POTEE: variants seen among roughly 807,000 people sequenced by gnomAD.
POTEE encodes POTE ankyrin domain family member E.
POTEE carries 21 observed loss-of-function variants against 74.2 expected under a neutral mutation model. That is an observed-to-expected ratio of 0.28 (90% CI 0.20 to 0.41). The LOEUF (loss-of-function observed/expected upper bound fraction) is 0.41. Ranked by LOEUF, POTEE falls within the 10% of genes least tolerant of loss-of-function variation. The probability of loss-of-function intolerance (pLI) is 1.00; values close to 1 mark genes in which losing one functional copy is unlikely to be tolerated. For missense variants in POTEE, 525 were observed against 1,158.6 expected (o/e 0.45, Z 7.94); for synonymous variants, 211 against 432.8 (o/e 0.49, Z 6.36).
chr2:131,224,884 C>T (rs1483101440), intron 6 of POTEE, among the ~76,000 whole-genome samples: 2 of 152,056 alleles, frequency 1.3e-5, no homozygotes, highest in Non-Finnish European at 2.9e-5. Context: ...ATTAGAGTCT[C>T]AGCTCTGCTT....
In POTEE at chr2:131,218,850, G is replaced by A; in HGVS notation, c.448G>A (p.Gly150Ser). Residue 150 changes from glycine (G) to serine (S), a missense_variant, in exon 4 of 18, where the codon GGT becomes AGT. By Grantham distance (56) the Gly-to-Ser change is moderately conservative (BLOSUM62 0). Coordinates refer to ENST00000683005, the MANE Select transcript of POTEE (RefSeq NM_001083538.3). ...LDKLHRAAWW[G>S]KVPRKDLIVM... ...CAAGCTCCACAGAGCTGCCTGGTGG[G>A]GTAAAGTCCCCAGAAAGGATCTCAT... The A allele has an allele frequency of 6.2e-7, 1 of 1,612,986 alleles. No homozygotes were observed. Among genetic ancestry groups the A allele is most frequent in the Non-Finnish European group, 8.5e-7 (1 of 1,179,908 alleles).
intron 16 of POTEE, among the ~76,000 whole-genome samples, chr2:131,258,324 AT>A (rs537600016): frequency 0.026 from 2,016 of 78,140 alleles, no homozygotes; most frequent in African/African-American, 0.073. Flanking sequence ...TCTCACGAAG[AT>A]TTTTTTTTTT....
intron 4 of POTEE, among the ~76,000 whole-genome samples, chr2:131,220,836 C>G (rs1266331143): frequency 2.6e-5 from 4 of 151,634 alleles, no homozygotes; most frequent in Non-Finnish European, 5.9e-5. Flanking sequence ...TGGCACACAC[C>G]TGTAATCCCA....
At chr2:131,231,476 C>T (rs1258475776) in intron 9 of POTEE, among the ~76,000 whole-genome samples, 2 of 151,930 alleles carry the variant, frequency 1.3e-5, no homozygotes, top group Non-Finnish European at 2.9e-5. Context: ...TTGCGTGGTC[C>T]TACCATAGAT....
At chr2:131,210,080 T>C (rs1700325051) in intron 1 of POTEE, among the ~76,000 whole-genome samples, 1 of 142,344 alleles carries the variant, frequency 7.0e-6, no homozygotes, top group South Asian at 2.4e-4. Context: ...TTAGGGGCAC[T>C]ATTTTCTGCT....
intron 9 of POTEE, among the ~76,000 whole-genome samples, chr2:131,235,572 G>T (rs1416107620): frequency 2.6e-5 from 4 of 151,908 alleles, no homozygotes; most frequent in Admixed American, 6.6e-5. Flanking sequence ...GGAGCAGGCA[G>T]ATCACAAGGT....
chr2:131,215,279 TA>T (rs1322773813), intron 2 of POTEE, among the ~76,000 whole-genome samples: 2 of 152,210 alleles, frequency 1.3e-5, no homozygotes, highest in Non-Finnish European at 2.9e-5. Flanking sequence ...AATTATGAGA[TA>T]TTTAGTAAAT....
At chr2:131,221,506 A>G (rs1700615783) in intron 4 of POTEE, among the ~76,000 whole-genome samples, 1 of 152,108 alleles carries the variant, frequency 6.6e-6, no homozygotes, top group Non-Finnish European at 1.5e-5. Flanking sequence ...CTGAAGTTTT[A>G]GTTAAAGTTC....
rs1488580379 is a variant in POTEE at position 131,263,591 on chromosome 2, C to T, written c.2136C>T (p.Asn712=). 1.5e-5 allele frequency: 24 copies of T among 1,601,862 alleles called. No individual in the cohort carries two copies. Among genetic ancestry groups the T allele is most frequent in the African/African-American group, 5.4e-5 (4 of 74,362 alleles). The part of the protein sequence containing the change: ...DDDTAVLVID[N]GSGMCKAGFA... Reference sequence around the variant, plus strand: ...ATACCGCCGTGCTCGTCATTGACAACGGCTCTGGCATGTGCAAGGCCGGCT... The same window carrying T: ...ATACCGCCGTGCTCGTCATTGACAATGGCTCTGGCATGTGCAAGGCCGGCT... Residue 712 remains asparagine, a synonymous_variant, in exon 18 of 18, where the codon AAC becomes AAT. Transcript: ENST00000683005.
intron 2 of POTEE, among the ~76,000 whole-genome samples, chr2:131,211,543 T>TGTGTGTG: frequency 4.4e-5 from 1 of 22,870 alleles, no homozygotes; most frequent in Non-Finnish European, 1.2e-4. Context: ...TGTGTGTGGC[T>TGTGTGTG]TTTTTTTTTT....
intron 4 of POTEE, among the ~76,000 whole-genome samples, chr2:131,221,466 T>C (rs886567629): frequency 2.0e-5 from 3 of 152,138 alleles, no homozygotes; most frequent in Admixed American, 6.5e-5. Context: ...TTTTTCCCTT[T>C]CTCTTATCTG....
At chr2:131,235,860 T>TTTAGATA (rs1701117155) in intron 9 of POTEE, among the ~76,000 whole-genome samples, 1 of 151,090 alleles carries the variant, frequency 6.6e-6, no homozygotes, top group Non-Finnish European at 1.5e-5. Flanking sequence ...AGGGAAACAT[T>TTTAGATA]TTAGATATTG....
chr2:131,232,073 T>A (rs568741456), intron 9 of POTEE, among the ~76,000 whole-genome samples: 2 of 151,090 alleles, frequency 1.3e-5, no homozygotes, highest in East Asian at 3.9e-4. Context: ...AACATATAAC[T>A]ATCAAATGTC....
At chr2:131,238,273 A>C in intron 11 of POTEE, 35 bp downstream of exon 11, 1 of 1,532,798 alleles carries the variant, frequency 6.5e-7, no homozygotes, top group Non-Finnish European at 8.8e-7. Flanking sequence ...CTGTTGAATT[A>C]GATTTTTACA....
In POTEE at chr2:131,263,517, G is replaced by A. The variant is rs757316924; in HGVS notation, c.2062G>A (p.Asp688Asn). ...EDIESVKKKN[D>N]NLLKALQLNE... is the part of the protein sequence containing the mutation. ...TATTGAAAGTGTGAAAAAAAAGAAT[G>A]ATAATCTTTTAAAGGCTCTACAATT... Residue 688 changes from aspartate to asparagine, a missense_variant, in exon 18 of 18, where the codon GAT (aspartate) becomes AAT (asparagine). Transcript: ENST00000683005. The A allele has an allele frequency of 3.7e-6, 6 of 1,611,382 alleles. No individual in the cohort carries two copies. In the East Asian group the frequency reaches 1.3e-4, roughly 36 times the overall value.
intron 2 of POTEE, among the ~76,000 whole-genome samples, chr2:131,216,098 TATATA>T (rs1700436756): frequency 6.6e-6 from 1 of 151,734 alleles, no homozygotes; most frequent in African/African-American, 2.4e-5. Context: ...ACAAAACAAA[TATATA>T]AGTAAATCAA....
chr2:131,225,619 T>C (rs555891737), intron 6 of POTEE, among the ~76,000 whole-genome samples: 72 of 150,418 alleles, frequency 4.8e-4, no homozygotes, highest in African/African-American at 1.6e-3. Flanking sequence ...CAGGCTGGAA[T>C]GCAGTGGTGT....
At chr2:131,215,233 A>G (rs1304521791) in intron 2 of POTEE, among the ~76,000 whole-genome samples, 1 of 152,164 alleles carries the variant, frequency 6.6e-6, no homozygotes, top group East Asian at 1.9e-4. Context: ...GATAATAGAT[A>G]TGTTTTTGAT....
At position 131,261,187 on chromosome 2, in the gene POTEE, C is replaced by T. The variant is rs1345057408; in HGVS notation, c.1779-539C>T. 8.0e-5 allele frequency among the ~76,000 whole-genome samples: 12 copies of T among 150,154 alleles called. No homozygotes were observed. The East Asian group carries it at 8.2e-4, about 10-fold the overall frequency. The stretch of plus-strand genomic sequence containing the variant: ...CCATCTGTTTACAGCCACTCTCTGT[C>T]GCTCGCATTACCGCCCGAGCTCCTC... On this transcript the variant is annotated intron_variant, in intron 16 of 17. Coordinates refer to ENST00000683005, the MANE Select transcript of POTEE (RefSeq NM_001083538.3).
Sources: allele counts gnomAD v4.1 joint callset (sites outside exome capture counted in the v4.1 genomes callset), GRCh38; gene constraint gnomAD v4.1.1; transcripts MANE v1.5; gene names NCBI Gene and HGNC (gene_info 2026-07-23, HGNC 2026-07-21).